Variants in PLEKHA4 observed in about 807,000 individuals in gnomAD.
The protein encoded by PLEKHA4 is pleckstrin homology domain-containing family A member 4.
Under a neutral mutation model 94.7 loss-of-function variants are expected in PLEKHA4, and 73 were observed. The observed-to-expected ratio is 0.77, with a 90% CI of 0.64 to 0.94. The LOEUF (loss-of-function observed/expected upper bound fraction) is 0.94. Ranked by LOEUF, PLEKHA4 falls within the 40% of genes least tolerant of loss-of-function variation. The probability of loss-of-function intolerance (pLI) is 0.00; values close to 1 mark genes in which losing one functional copy is unlikely to be tolerated. For missense variants in PLEKHA4, 1,049 were observed against 1,054.1 expected (o/e 1.00, Z 0.07); for synonymous variants, 449 against 437.1 (o/e 1.03, Z -0.34).
rs1057045780 is a variant in PLEKHA4, at chr19:48,868,580, CCCTT to C, written c.-508_-505del. 3.9e-5 allele frequency: 6 copies of C among 152,600 alleles called. No homozygotes were observed. The highest frequency in any genetic ancestry group is 1.4e-4 in the African/African-American group (6 of 41,438). The allele number at this position is 152,600 out of a possible 1,614,324, so 9.5% of individuals were successfully genotyped here. A position where few individuals can be genotyped will look rare whatever the true frequency, so the allele number is the denominator to read the frequency against. The stretch of plus-strand genomic sequence containing the variant: ...TTTCCGATTTCCCTTCTCACTTTCT[CCCTT>C]CCTCCCTCTCCCAGTTTCTCTTTCC... On this transcript the variant is annotated 5_prime_UTR_variant, in exon 1 of 20. Coordinates refer to ENST00000263265, the MANE Select transcript of PLEKHA4 (RefSeq NM_020904.3).
chr19:48,860,311 G>A, intron 6 of PLEKHA4, 39 bp downstream of exon 6: 3 of 1,541,044 alleles, frequency 1.9e-6, no homozygotes, highest in Non-Finnish European at 2.7e-6. Context: ...GACTGACTCA[G>A]GGTGGAGGGT....
Position 48,845,371 on chromosome 19 carries a change from T to G in PLEKHA4, c.1742A>C (p.Lys581Thr), listed in dbSNP as rs778690151. 9 of 1,612,436 alleles carry G rather than the reference T, an allele frequency of 5.6e-6. No individual in the cohort carries two copies. Among genetic ancestry groups the G allele is most frequent in the Non-Finnish European group, 7.6e-6 (9 of 1,179,754 alleles). ...RHLPSPQLGT[K>T]APVARPRMSA... ...TTACAGGATGGACCTACAGCTTACC[T>G]TGGTTCCTAGCTGTGGGGAAGGGAG... The change falls in exon 16 of 20, where the codon AAG becomes ACG. Residue 581 changes from lysine to threonine, a missense_variant and splice_region_variant. By Grantham distance (78) the Lys-to-Thr change is moderately conservative (BLOSUM62 -1). Transcript: ENST00000263265.
chr19:48,862,182 CT>C (rs2036667604), intron 3 of PLEKHA4, among the ~76,000 whole-genome samples: 1 of 150,210 alleles, frequency 6.7e-6, no homozygotes, highest in African/African-American at 2.5e-5. Context: ...AATAGTAGCC[CT>C]ACTTCTTTTC....
intron 9 of PLEKHA4, among the ~76,000 whole-genome samples, chr19:48,856,171 CAA>C (rs763000093): frequency 1.7e-5 from 1 of 60,388 alleles, no homozygotes; most frequent in Admixed American, 2.0e-4. Flanking sequence ...AACTCCTTCT[CAA>C]AAAAAAAAAA....
chr19:48,849,978 C>T (rs1042956275), intron 13 of PLEKHA4, among the ~76,000 whole-genome samples: 11 of 152,012 alleles, frequency 7.2e-5, no homozygotes, highest in African/African-American at 1.2e-4. Flanking sequence ...TTTGGGAGGC[C>T]GAGGCAGGCG....
At chr19:48,862,658 C>T (rs1225873565) in intron 3 of PLEKHA4, among the ~76,000 whole-genome samples, 1 of 152,062 alleles carries the variant, frequency 6.6e-6, no homozygotes, top group Non-Finnish European at 1.5e-5. Flanking sequence ...ACAGGCCCCC[C>T]GCCACCACAC....
chr19:48,866,131 CTT>C (rs2036827784), intron 2 of PLEKHA4, among the ~76,000 whole-genome samples: 1 of 150,918 alleles, frequency 6.6e-6, no homozygotes, highest in African/African-American at 2.4e-5. Context: ...TTGACAGGCT[CTT>C]TGGAGTGCAG....
chr19:48,864,040 C>G (rs2036744464), intron 3 of PLEKHA4, among the ~76,000 whole-genome samples: 1 of 152,174 alleles, frequency 6.6e-6, no homozygotes, highest in Non-Finnish European at 1.5e-5. Context: ...GACGCTGATG[C>G]TGCTGGTCTG....
Position 48,854,230 on chromosome 19 carries a change from C to G in PLEKHA4, c.1082G>C (p.Ser361Thr). Residue 361 changes from serine to threonine, a missense_variant, in exon 10 of 20, where the codon AGC becomes ACC. Coordinates refer to ENST00000263265, the MANE Select transcript of PLEKHA4 (RefSeq NM_020904.3). ...GTGACAACTTACATCTGTCTCCAAGCTTTGGTGGAAAGTTGACTCCAGGGG... is the reference window on the plus strand; with the variant it reads ...GTGACAACTTACATCTGTCTCCAAGGTTTGGTGGAAAGTTGACTCCAGGGG... ...GPPLESTFHQ[S>T]LETDTLLTKL... 6.2e-7 allele frequency: 1 copy of G among 1,614,122 alleles called. No individual in the cohort carries two copies. Among genetic ancestry groups the G allele is most frequent in the South Asian group, 1.1e-5 (1 of 91,084 alleles).
intron 16 of PLEKHA4, chr19:48,844,615 ACTT>A: frequency 1.0e-6 from 1 of 985,232 alleles, no homozygotes; most frequent in Non-Finnish European, 1.2e-6. Context: ...ATGGATCCGT[ACTT>A]CTGAAAATCA....
intron 2 of PLEKHA4, among the ~76,000 whole-genome samples, chr19:48,865,847 T>C (rs2036814248): frequency 6.6e-6 from 1 of 151,788 alleles, no homozygotes; most frequent in Non-Finnish European, 1.5e-5. Flanking sequence ...ACCCCGTCTC[T>C]ACTAAAAATA....
chr19:48,856,836 T>C (rs149611616), intron 9 of PLEKHA4, among the ~76,000 whole-genome samples: 3,103 of 142,484 alleles, frequency 0.022, 64 homozygotes, highest in South Asian at 0.07. Flanking sequence ...GAGGCAGAGC[T>C]TGCAGTGAGC....
rs748624804 is a variant in PLEKHA4, at chr19:48,847,899, C to A, written c.1566+1G>T. Reference sequence around the variant, plus strand: ...GTGGGGAGGAATTATGTGCGTCTTACCTCCCTCTCTGAGGACTCCTCGCCC... The same window carrying A: ...GTGGGGAGGAATTATGTGCGTCTTAACTCCCTCTCTGAGGACTCCTCGCCC... On this transcript the variant is annotated splice_donor_variant, in intron 14 of 19. Coordinates refer to ENST00000263265, the MANE Select transcript of PLEKHA4 (RefSeq NM_020904.3). LOFTEE classifies it high-confidence loss of function. 6.4e-7 allele frequency: 1 copy of A among 1,558,378 alleles called. No homozygotes were observed. The highest frequency in any genetic ancestry group is 1.4e-5 in the African/African-American group (1 of 73,064).
In PLEKHA4 at chr19:48,845,611, C is replaced by A. The variant is rs556416279; in HGVS notation, c.1572G>T (p.Leu524=). Reference sequence around the variant, plus strand: ...GGGAGCTCAGTTCCAAGGACTCTGGCAGGCTCTGCGGGGATTAGAAAAGGG... The same window carrying A: ...GGGAGCTCAGTTCCAAGGACTCTGGAAGGCTCTGCGGGGATTAGAAAAGGG... ...QGEESSERES[L]PESLELSSPR... The change falls in exon 15 of 20, where the codon CTG becomes CTT. Residue 524 remains leucine, a synonymous_variant. Coordinates refer to ENST00000263265, the MANE Select transcript of PLEKHA4 (RefSeq NM_020904.3). The A allele has an allele frequency of 2.8e-5, 45 of 1,584,964 alleles. No homozygotes were observed. The highest frequency in any genetic ancestry group is 1.7e-4 in the Middle Eastern group (1 of 5,794).
rs1244090563 is a variant in PLEKHA4 at position 48,841,272 on chromosome 19, C to A, written c.1782G>T (p.Gln594His). The change falls in exon 17 of 20, where the codon CAG (glutamine) becomes CAT (histidine). Residue 594 changes from glutamine (Q) to histidine (H), a missense_variant. Coordinates refer to ENST00000263265, the MANE Select transcript of PLEKHA4 (RefSeq NM_020904.3). Reference sequence around the variant, plus strand: ...CCTGGTTTCTGCGCATCCGCTCCAGCTGCTCCTGGGCACTCATCCGGGGCC... The same window carrying A: ...CCTGGTTTCTGCGCATCCGCTCCAGATGCTCCTGGGCACTCATCCGGGGCC... ...VARPRMSAQEQLERMRRNQEC... is the reference protein window; with the variant it reads ...VARPRMSAQEHLERMRRNQEC... 1 of 1,613,202 alleles carries A rather than the reference C, an allele frequency of 6.2e-7. No individual in the cohort carries two copies. Among genetic ancestry groups the A allele is most frequent in the Non-Finnish European group, 8.5e-7 (1 of 1,179,786 alleles).
chr19:48,861,389 G>T lies in PLEKHA4; in HGVS notation c.366+12C>A. 6.2e-7 allele frequency: 1 copy of T among 1,608,052 alleles called. No homozygotes were observed. The highest frequency in any genetic ancestry group is 8.5e-7 in the Non-Finnish European group (1 of 1,175,550). ...CCATCGCCTGGTGCACAACATGGAT[G>T]GATGGACTCACGGTGAAGGTGAAGC... On this transcript the variant is annotated intron_variant, in intron 5 of 19. Transcript: ENST00000263265.
intron 9 of PLEKHA4, among the ~76,000 whole-genome samples, chr19:48,855,705 C>T (rs1329997751): frequency 6.6e-6 from 1 of 151,986 alleles, no homozygotes; most frequent in Admixed American, 6.6e-5. Flanking sequence ...GGGAGTATCG[C>T]TTGGGCCCAG....
intron 18 of PLEKHA4, among the ~76,000 whole-genome samples, chr19:48,838,512 C>A (rs2035630745): frequency 6.7e-6 from 1 of 149,612 alleles, no homozygotes; most frequent in African/African-American, 2.5e-5. Context: ...CCCTGTAATC[C>A]CAGCACCTTG....
Position 48,848,014 on chromosome 19 carries a change from C to T in PLEKHA4, c.1452G>A (p.Leu484=). The change falls in exon 14 of 20, where the codon CTG becomes CTA. Residue 484 remains leucine, a synonymous_variant. Coordinates refer to ENST00000263265, the MANE Select transcript of PLEKHA4 (RefSeq NM_020904.3). ...PQDRVSAQQQ[L]WMVEDTLAGL... ...CTGCCAGCGTGTCTTCCACCATCCA[C>T]AGCTGCTGCTGAGCAGACACTCTGT... The T allele has an allele frequency of 6.2e-7, 1 of 1,613,802 alleles. No individual in the cohort carries two copies. Among genetic ancestry groups the T allele is most frequent in the Middle Eastern group, 1.7e-4 (1 of 6,056 alleles).
Sources: gnomAD v4.1 joint callset for allele counts (sites outside exome capture counted in the v4.1 genomes callset) on GRCh38, gnomAD v4.1.1 for gene constraint, MANE v1.5 for transcripts, NCBI Gene and HGNC (gene_info 2026-07-23, HGNC 2026-07-21) for gene names.